HS3ST3A1: variants seen among roughly 807,000 people sequenced by gnomAD.
HS3ST3A1 encodes heparan sulfate glucosamine 3-O-sulfotransferase 3A1.
A neutral mutation model predicts 25.7 loss-of-function variants in HS3ST3A1; 19 were observed. That is an observed-to-expected ratio of 0.74 (90% CI 0.52 to 1.08). HS3ST3A1 has a LOEUF of 1.08. HS3ST3A1 is among the 50% of genes least tolerant of loss of function. The probability of loss-of-function intolerance (pLI) is 0.00; values close to 1 mark genes in which losing one functional copy is unlikely to be tolerated. For synonymous variants in HS3ST3A1, 226 were observed against 278.6 expected, an observed-to-expected ratio of 0.81 and a Z score of 1.88; for missense variants, 459 against 594.3, an observed-to-expected ratio of 0.77 and a Z score of 2.37.
At chr17:13,531,154 C>T (rs1906593523) in intron 1 of HS3ST3A1, among the ~76,000 whole-genome samples, 2 of 152,194 alleles carry the variant, frequency 1.3e-5, no homozygotes, top group Non-Finnish European at 2.9e-5. Context: ...GCAATTTTAT[C>T]GCGATATCTT....
chr17:13,502,411 T>G (rs1027303863), intron 1 of HS3ST3A1, among the ~76,000 whole-genome samples: 3 of 152,142 alleles, frequency 2.0e-5, no homozygotes, highest in Admixed American at 6.5e-5. Context: ...ACCTCTATGA[T>G]CAGGGAACCA....
At chr17:13,582,369 A>G (rs537885235) in intron 1 of HS3ST3A1, among the ~76,000 whole-genome samples, 17 of 152,356 alleles carry the variant, frequency 1.1e-4, no homozygotes, top group African/African-American at 3.8e-4. Context: ...TTAAATATCC[A>G]GTTATTATTT....
At chr17:13,545,739 G>A (rs1907068166) in intron 1 of HS3ST3A1, among the ~76,000 whole-genome samples, 1 of 152,108 alleles carries the variant, frequency 6.6e-6, no homozygotes, top group East Asian at 1.9e-4. Context: ...CATTTTCGGG[G>A]GCCGAGGCGC....
At chr17:13,587,434 CTGAG>C (rs1908305637) in intron 1 of HS3ST3A1, among the ~76,000 whole-genome samples, 4 of 152,330 alleles carry the variant, frequency 2.6e-5, no homozygotes, top group African/African-American at 7.2e-5. Flanking sequence ...AATCTGGTGA[CTGAG>C]TGAGACTCCG....
intron 1 of HS3ST3A1, among the ~76,000 whole-genome samples, chr17:13,512,987 G>A (rs1905927114): frequency 6.6e-6 from 1 of 152,114 alleles, no homozygotes. Context: ...GTCAAAATAG[G>A]AGAATAGGAT....
intron 1 of HS3ST3A1, among the ~76,000 whole-genome samples, chr17:13,597,975 G>A (rs936928268): frequency 6.6e-6 from 1 of 152,072 alleles, no homozygotes; most frequent in Admixed American, 6.5e-5. Flanking sequence ...TGATTTCACT[G>A]GGCAAAAAAA....
rs1455794618 is a variant in HS3ST3A1 at position 13,494,574 on chromosome 17, T to G, written c.*1623A>C. On this transcript the variant is annotated 3_prime_UTR_variant, in exon 2 of 2. Transcript: ENST00000284110. The stretch of plus-strand genomic sequence containing the variant: ...AATATTATTTTAGAGTGTCTGGTCG[T>G]TTAAATTTTGGCAGATAAAGAAAAC... Among the ~76,000 whole-genome samples, 1 of 152,182 alleles carries G rather than the reference T, an allele frequency of 6.6e-6. No homozygotes were observed. The highest frequency in any genetic ancestry group is 1.5e-5 in the Non-Finnish European group (1 of 68,020).
chr17:13,563,465 A>T lies in HS3ST3A1; in HGVS notation c.599+37066T>A, dbSNP rs371031600. ...CTGGGGCCAAGGGAATTGGAGCAGG[A>T]TGTATGTAGGCATTTTGTGAGGATG... On this transcript the variant is annotated intron_variant, in intron 1 of 1. Coordinates refer to ENST00000284110, the MANE Select transcript of HS3ST3A1 (RefSeq NM_006042.3). Among the ~76,000 whole-genome samples, 130 of 152,282 alleles carry T rather than the reference A, an allele frequency of 8.5e-4. 1 individual carries two copies. In the South Asian group the frequency reaches 0.012, roughly 14 times the overall value.
intron 1 of HS3ST3A1, among the ~76,000 whole-genome samples, chr17:13,578,865 A>G (rs1284198205): frequency 6.6e-6 from 1 of 152,204 alleles, no homozygotes; most frequent in Non-Finnish European, 1.5e-5. Context: ...TACTTCATGT[A>G]TTCAAAATAG....
At chr17:13,521,396 G>C (rs1302746516) in intron 1 of HS3ST3A1, among the ~76,000 whole-genome samples, 1 of 152,168 alleles carries the variant, frequency 6.6e-6, no homozygotes, top group Admixed American at 6.5e-5. Flanking sequence ...TCACTACCGG[G>C]TTTTGAAGTA....
chr17:13,600,761 A>G lies in HS3ST3A1; in HGVS notation c.369T>C (p.Gly123=). 6.6e-7 allele frequency: 1 copy of G among 1,508,218 alleles called. No individual in the cohort carries two copies. The highest frequency in any genetic ancestry group is 8.8e-7 in the Non-Finnish European group (1 of 1,135,822). 93.4% of individuals were successfully genotyped at this position (1,508,218 alleles called of 1,614,324 possible). The change falls in exon 1 of 2, where the codon GGT becomes GGC. Residue 123 remains glycine, a synonymous_variant. Transcript: ENST00000284110. ...TGCTTCCGGCCCCGGAGCCGCCCGG[A>G]CCCCCTGACAGGCCAGGGGACTCTT... ...WEEESPGLSG[G]PGGSGAGSTV...
chr17:13,517,997 G>A (rs1906109263), intron 1 of HS3ST3A1, among the ~76,000 whole-genome samples: 1 of 152,192 alleles, frequency 6.6e-6, no homozygotes, highest in Non-Finnish European at 1.5e-5. Flanking sequence ...TCAACTGGGA[G>A]AGGAAGGATT....
intron 1 of HS3ST3A1, among the ~76,000 whole-genome samples, chr17:13,532,048 G>C (rs1906621118): frequency 6.6e-6 from 1 of 152,214 alleles, no homozygotes; most frequent in Non-Finnish European, 1.5e-5. Context: ...GGCCAGGCTT[G>C]AATTAGCGGC....
chr17:13,548,380 A>G (rs78233943), intron 1 of HS3ST3A1, among the ~76,000 whole-genome samples: 7,620 of 152,202 alleles, frequency 0.05, 254 homozygotes, highest in African/African-American at 0.097. Flanking sequence ...CTCTACTCTC[A>G]TCCTCTCACT....
At chr17:13,591,072 AG>A in intron 1 of HS3ST3A1, among the ~76,000 whole-genome samples, 1 of 144,720 alleles carries the variant, frequency 6.9e-6, no homozygotes, top group East Asian at 2.0e-4. Flanking sequence ...TTTGAGACAG[AG>A]TCTCACTCTG....
At position 13,513,055 on chromosome 17, in the gene HS3ST3A1, G is replaced by C. The variant is rs1978218; in HGVS notation, c.600-16237C>G. On this transcript the variant is annotated intron_variant, in intron 1 of 1. Transcript: ENST00000284110. ...ATAACTTTTTAAATGTTCAGACATA[G>C]GGTATGCGGGCCTTCATTCAGGGAC... Among the ~76,000 whole-genome samples, 3 of 152,010 alleles carry C rather than the reference G, an allele frequency of 2.0e-5. No homozygotes were observed. In the South Asian group the frequency reaches 6.2e-4, roughly 31 times the overall value.
chr17:13,523,891 G>C (rs1203881161), intron 1 of HS3ST3A1, among the ~76,000 whole-genome samples: 1 of 151,848 alleles, frequency 6.6e-6, no homozygotes, highest in Non-Finnish European at 1.5e-5. Context: ...TTTCAAGTTT[G>C]GGGGCATGAA....
At chr17:13,501,471 T>C (rs8075866) in intron 1 of HS3ST3A1, among the ~76,000 whole-genome samples, 3,583 of 57,394 alleles carry the variant, frequency 0.062, 143 homozygotes, top group African/African-American at 0.27. Context: ...TTACGGCTAA[T>C]TAAACATTAC....
intron 1 of HS3ST3A1, among the ~76,000 whole-genome samples, chr17:13,587,020 T>A (rs1457164597): frequency 6.6e-6 from 1 of 151,778 alleles, no homozygotes; most frequent in Non-Finnish European, 1.5e-5. Context: ...TAAAATATTA[T>A]TAAAATTAAT....
Sources: allele counts gnomAD v4.1 joint callset (sites outside exome capture counted in the v4.1 genomes callset), GRCh38; gene constraint gnomAD v4.1.1; transcripts MANE v1.5; gene names NCBI Gene and HGNC (gene_info 2026-07-23, HGNC 2026-07-21).